BNC2: variants seen among roughly 807,000 people sequenced by gnomAD.
BNC2 encodes zinc finger protein basonuclin-2.
A neutral mutation model predicts 76.3 loss-of-function variants in BNC2; 20 were observed. That is an observed-to-expected ratio of 0.26 (90% confidence interval 0.18 to 0.38). BNC2 has a LOEUF of 0.38. Among genes scored for constraint, BNC2 ranks in the 10% least tolerant of loss-of-function variants. BNC2 has a pLI of 1.00. For missense variants in BNC2, 1,382 were observed against 1,399.8 expected (o/e 0.99, Z 0.20); for synonymous variants, 582 against 514.8 (o/e 1.13, Z -1.77).
chr9:16,689,129 CA>C (rs1823068937), intron 3 of BNC2, among the ~76,000 whole-genome samples: 1 of 133,474 alleles, frequency 7.5e-6, no homozygotes, highest in Non-Finnish European at 1.5e-5. Flanking sequence ...CACACACACA[CA>C]CACATACACA....
chr9:16,757,723 AG>A (rs1563929517), intron 1 of BNC2, among the ~76,000 whole-genome samples: 1 of 100,262 alleles, frequency 1.0e-5, no homozygotes, highest in East Asian at 5.9e-3. Context: ...GATTTTAAAA[AG>A]AAAAAAAAAA....
intron 5 of BNC2, among the ~76,000 whole-genome samples, chr9:16,490,095 A>G (rs1304758312): frequency 6.6e-6 from 1 of 152,046 alleles, no homozygotes; most frequent in Non-Finnish European, 1.5e-5. Context: ...CAAATCAAAG[A>G]CCTTTCTCCC....
chr9:16,643,955 A>G (rs1380046844), intron 3 of BNC2, among the ~76,000 whole-genome samples: 1 of 152,164 alleles, frequency 6.6e-6, no homozygotes, highest in Admixed American at 6.6e-5. Context: ...AGAAGAACCT[A>G]TGGGAGGTGT....
intron 1 of BNC2, among the ~76,000 whole-genome samples, chr9:16,771,717 A>AT (rs1379341746): frequency 6.6e-6 from 1 of 152,192 alleles, no homozygotes; most frequent in African/African-American, 2.4e-5. Flanking sequence ...TACCATTTAT[A>AT]TTTTTTCTCA....
chr9:16,607,132 AT>A (rs1380324580), intron 3 of BNC2, among the ~76,000 whole-genome samples: 3 of 147,558 alleles, frequency 2.0e-5, no homozygotes, highest in African/African-American at 7.9e-5. Context: ...AAAAAAAAAA[AT>A]TTATAGAAAC....
chr9:16,446,987 G>C (rs1821244348), intron 5 of BNC2, among the ~76,000 whole-genome samples: 1 of 152,020 alleles, frequency 6.6e-6, no homozygotes, highest in Non-Finnish European at 1.5e-5. Flanking sequence ...AAAATTCAAA[G>C]GAGTAAATTA....
At chr9:16,499,654 C>G (rs1053296008) in intron 5 of BNC2, among the ~76,000 whole-genome samples, 4 of 151,680 alleles carry the variant, frequency 2.6e-5, no homozygotes, top group Admixed American at 6.6e-5. Flanking sequence ...CTCAGCTTCC[C>G]AAGTAGCTGG....
chr9:16,575,274 C>T (rs1353096187), intron 4 of BNC2: 32 of 985,208 alleles, frequency 3.2e-5, no homozygotes, highest in South Asian at 4.7e-5. Flanking sequence ...TTCATTCACC[C>T]GAAGCGGGAT....
intron 3 of BNC2, chr9:16,699,042 G>C (rs1295763753): frequency 5.5e-6 from 2 of 362,280 alleles, no homozygotes; most frequent in Non-Finnish European, 1.1e-5. Context: ...TAAAGCACTG[G>C]GTTTTCCAGA....
At chr9:16,824,490 C>T (rs1818407849) in intron 1 of BNC2, among the ~76,000 whole-genome samples, 1 of 152,146 alleles carries the variant, frequency 6.6e-6, no homozygotes, top group African/African-American at 2.4e-5. Context: ...TCCTCAGTCA[C>T]CTCCTGGCCC....
Position 16,665,478 on chromosome 9 carries a change from GAAAGAAAGAA to G in BNC2, c.330+62309_330+62318del, listed in dbSNP as rs1563888046. On this transcript the variant is annotated intron_variant, in intron 3 of 6. Transcript: ENST00000380672. ...AGAAAGAAAGAAAGAAAGAAAGAAA[GAAAGAAAGAA>G]AGAGAGAGAGAGAAATCACAGCAAA... is the stretch of plus-strand genomic sequence containing the variant. 3.7e-3 allele frequency among the ~76,000 whole-genome samples: 470 copies of G among 127,416 alleles called. 5 individuals carry two copies. Among genetic ancestry groups the G allele is most frequent in the African/African-American group, 0.013 (392 of 31,318 alleles). 83.6% of individuals were successfully genotyped at this position (127,416 alleles called of 152,430 possible). A position where few individuals can be genotyped will look rare whatever the true frequency, so the allele number is the denominator to read the frequency against.
chr9:16,446,731 C>T (rs1821239359), intron 5 of BNC2, among the ~76,000 whole-genome samples: 1 of 151,848 alleles, frequency 6.6e-6, no homozygotes, highest in South Asian at 2.1e-4. Context: ...AGTACTATGC[C>T]TTTTTTCTTC....
At chr9:16,696,943 G>C (rs1249073445) in intron 3 of BNC2, among the ~76,000 whole-genome samples, 3 of 152,172 alleles carry the variant, frequency 2.0e-5, no homozygotes, top group African/African-American at 4.8e-5. Context: ...GTATATTTCT[G>C]CTGAAATGAT....
At chr9:16,516,516 A>C (rs1162350036) in intron 5 of BNC2, among the ~76,000 whole-genome samples, 1 of 152,222 alleles carries the variant, frequency 6.6e-6, no homozygotes, top group Non-Finnish European at 1.5e-5. Flanking sequence ...AATTACATAC[A>C]TAGGTACCCA....
intron 1 of BNC2, among the ~76,000 whole-genome samples, chr9:16,741,453 C>CAA (rs568694595): frequency 4.8e-5 from 6 of 125,610 alleles, no homozygotes; most frequent in African/African-American, 1.2e-4. Flanking sequence ...AACTCCATTT[C>CAA]AAAAAAAAAA....
At chr9:16,773,447 C>T (rs1264242847) in intron 1 of BNC2, among the ~76,000 whole-genome samples, 1 of 149,842 alleles carries the variant, frequency 6.7e-6, no homozygotes, top group African/African-American at 2.5e-5. Context: ...ACAAGGTTTT[C>T]TCGTTCTGTT....
chr9:16,841,137 C>A (rs1563966183), intron 1 of BNC2, among the ~76,000 whole-genome samples: 1 of 152,158 alleles, frequency 6.6e-6, no homozygotes, highest in Non-Finnish European at 1.5e-5. Flanking sequence ...TTTCTTTAAA[C>A]AACACATAAG....
chr9:16,805,037 G>A (rs1272953425), intron 1 of BNC2, among the ~76,000 whole-genome samples: 1 of 152,100 alleles, frequency 6.6e-6, no homozygotes, highest in Non-Finnish European at 1.5e-5. Flanking sequence ...ACTCCAGCCT[G>A]GGTGACAGAC....
intron 3 of BNC2, among the ~76,000 whole-genome samples, chr9:16,627,627 A>C (rs998140142): frequency 2.6e-5 from 4 of 152,110 alleles, no homozygotes; most frequent in African/African-American, 9.7e-5. Context: ...CTGCTTGATC[A>C]TGTGTAGACA....
Sources: allele counts gnomAD v4.1 joint callset (sites outside exome capture counted in the v4.1 genomes callset), GRCh38; gene constraint gnomAD v4.1.1; transcripts MANE v1.5; gene names NCBI Gene and HGNC (gene_info 2026-07-23, HGNC 2026-07-21).